GOLM2: variants seen among roughly 807,000 people sequenced by gnomAD.
GOLM2 encodes protein GOLM2.
In GOLM2, 26 loss-of-function variants were observed where a neutral mutation model predicts 55.9. That is an observed-to-expected ratio of 0.47 (90% confidence interval 0.34 to 0.65). The LOEUF (loss-of-function observed/expected upper bound fraction) is 0.65. Among genes scored for constraint, GOLM2 ranks in the 30% least tolerant of loss-of-function variants. The probability of loss-of-function intolerance (pLI) is 0.01; values close to 1 mark genes in which losing one functional copy is unlikely to be tolerated. For missense variants in GOLM2, 486 were observed against 531.8 expected (o/e 0.91, Z 0.85); for synonymous variants, 165 against 194.6 (o/e 0.85, Z 1.27).
chr15:44,391,870 G>T (rs2079492430), intron 8 of GOLM2, among the ~76,000 whole-genome samples: 1 of 152,016 alleles, frequency 6.6e-6, no homozygotes. Context: ...TTATTTTTGA[G>T]ATGGAGTTTT....
At chr15:44,407,771 C>CTT (rs1237254216) in intron 9 of GOLM2, among the ~76,000 whole-genome samples, 48 of 135,826 alleles carry the variant, frequency 3.5e-4, no homozygotes, top group African/African-American at 1.2e-3. Flanking sequence ...TTTCTTTTAT[C>CTT]TTTTTTTTTT....
chr15:44,376,334 T>C (rs903177025), intron 6 of GOLM2, among the ~76,000 whole-genome samples: 1 of 152,188 alleles, frequency 6.6e-6, no homozygotes, highest in Non-Finnish European at 1.5e-5. Flanking sequence ...AGTGCAGTGG[T>C]GGCTCACTGC....
chr15:44,384,230 T>C (rs2079425374), intron 8 of GOLM2, among the ~76,000 whole-genome samples: 1 of 151,636 alleles, frequency 6.6e-6, no homozygotes, highest in Non-Finnish European at 1.5e-5. Context: ...AACAAAACTC[T>C]GTACTCTCCT....
intron 1 of GOLM2, among the ~76,000 whole-genome samples, chr15:44,303,915 A>G (rs2078817297): frequency 6.6e-6 from 1 of 151,054 alleles, no homozygotes; most frequent in Non-Finnish European, 1.5e-5. Flanking sequence ...TTTGTATTTC[A>G]GTAGAGACAG....
Position 44,409,744 on chromosome 15 carries a change from TA to T in GOLM2, c.1241-3578del, listed in dbSNP as rs773616920. ...CAACATGGTAAAACCCCGTCTCTACTAAAAAAAAAAAAAATACAAAAATTAT... is the reference window on the plus strand; with the variant it reads ...CAACATGGTAAAACCCCGTCTCTACTAAAAAAAAAAAAATACAAAAATTAT... On this transcript the variant is annotated intron_variant, in intron 9 of 9. Coordinates refer to ENST00000299957, the MANE Select transcript of GOLM2 (RefSeq NM_138423.4). 7.6e-3 allele frequency: 987 copies of T among 130,328 alleles called. 3 individuals carry two copies. Among genetic ancestry groups the T allele is most frequent in the Middle Eastern group, 0.012 (3 of 244 alleles). 8.1% of individuals were successfully genotyped at this position (130,328 alleles called of 1,614,324 possible).
intron 1 of GOLM2, among the ~76,000 whole-genome samples, chr15:44,322,252 C>A (rs772399976): frequency 6.6e-6 from 1 of 152,112 alleles, no homozygotes; most frequent in Admixed American, 6.6e-5. Flanking sequence ...CCTGCAGTCC[C>A]AGCTACTTGG....
intron 6 of GOLM2, among the ~76,000 whole-genome samples, chr15:44,359,118 C>G (rs2079218041): frequency 1.3e-5 from 2 of 151,230 alleles, no homozygotes; most frequent in African/African-American, 4.9e-5. Context: ...CCAATGCACT[C>G]CAGCCTGGGT....
At chr15:44,398,141 C>T (rs964353031) in intron 8 of GOLM2, among the ~76,000 whole-genome samples, 1 of 152,208 alleles carries the variant, frequency 6.6e-6, no homozygotes, top group Non-Finnish European at 1.5e-5. Context: ...TTCAAACTCA[C>T]TCTATCAAAA....
At chr15:44,325,104 C>T (rs938431247) in intron 2 of GOLM2, among the ~76,000 whole-genome samples, 11 of 152,252 alleles carry the variant, frequency 7.2e-5, no homozygotes, top group African/African-American at 2.4e-4. Context: ...CATGGGGCTT[C>T]ATTATACAGA....
intron 4 of GOLM2, 41 bp from the exon 5 acceptor site, chr15:44,337,722 A>G (rs2079066352): frequency 3.4e-6 from 5 of 1,471,244 alleles, no homozygotes; most frequent in Non-Finnish European, 4.6e-6. Flanking sequence ...TGGTTTAACA[A>G]TTTGAACTGA....
chr15:44,393,474 T>A (rs1304300562), intron 8 of GOLM2, among the ~76,000 whole-genome samples: 1 of 151,900 alleles, frequency 6.6e-6, no homozygotes, highest in Non-Finnish European at 1.5e-5. Flanking sequence ...AGTTTGGGGG[T>A]TTTGGGTGGA....
chr15:44,376,925 A>C (rs559542622), intron 6 of GOLM2, among the ~76,000 whole-genome samples: 5 of 152,334 alleles, frequency 3.3e-5, no homozygotes, highest in African/African-American at 1.2e-4. Context: ...GGTTTTCTAA[A>C]AGGAATTTTT....
At chr15:44,371,900 A>G (rs1233628001) in intron 6 of GOLM2, among the ~76,000 whole-genome samples, 1 of 152,184 alleles carries the variant, frequency 6.6e-6, no homozygotes, top group Non-Finnish European at 1.5e-5. Flanking sequence ...TGACAACTCT[A>G]AATACTCCAG....
Position 44,289,294 on chromosome 15 carries a change from G to A in GOLM2, c.265G>A (p.Gly89Ser). Residue 89 changes from glycine to serine, a missense_variant, in exon 1 of 10, where the codon GGC becomes AGC. Transcript: ENST00000299957. The surrounding 1 kb of genome is among the most constrained non-coding windows in gnomAD (Gnocchi z 4.8). ...KQIDQKEADY[G>S]RLSSRLQARE... ...GATCGACCAGAAGGAGGCCGACTAC[G>A]GCCGCCTCAGCAGCCGGCTGCAGGC... 1 of 1,613,148 alleles carries A rather than the reference G, an allele frequency of 6.2e-7. No individual in the cohort carries two copies. Among genetic ancestry groups the A allele is most frequent in the South Asian group, 1.1e-5 (1 of 91,038 alleles).
At chr15:44,413,315 A>G (rs1440116752) in intron 9 of GOLM2, 21 bp from the exon 10 acceptor site, 2 of 1,572,258 alleles carry the variant, frequency 1.3e-6, no homozygotes, top group South Asian at 2.3e-5. Context: ...ATATGTTGAT[A>G]CAAAATTATT....
intron 1 of GOLM2, chr15:44,308,028 T>G (rs2078850196): frequency 6.6e-6 from 1 of 152,238 alleles, no homozygotes; most frequent in African/African-American, 2.4e-5. Flanking sequence ...TAATGATGAT[T>G]ATTGTTATTA....
At chr15:44,328,275 T>C (rs1404024026) in intron 2 of GOLM2, among the ~76,000 whole-genome samples, 5 of 152,194 alleles carry the variant, frequency 3.3e-5, no homozygotes, top group African/African-American at 1.2e-4. Context: ...AGCCCACAAG[T>C]TTGAGACCAG....
intron 1 of GOLM2, among the ~76,000 whole-genome samples, chr15:44,296,506 C>T (rs1276967867): frequency 6.6e-6 from 1 of 151,830 alleles, no homozygotes. Flanking sequence ...GGATGAGAAG[C>T]GTATTACAAA....
chr15:44,326,542 A>T (rs1036845850), intron 2 of GOLM2, among the ~76,000 whole-genome samples: 5 of 151,874 alleles, frequency 3.3e-5, no homozygotes, highest in Admixed American at 1.3e-4. Context: ...ACATTCACTG[A>T]TAGCACTTTG....
Sources: gnomAD v4.1 joint callset for allele counts (sites outside exome capture counted in the v4.1 genomes callset) on GRCh38, gnomAD v4.1.1 for gene constraint, Gnocchi (gnomAD v3.1) non-coding constraint, MANE v1.5 for transcripts, NCBI Gene and HGNC (gene_info 2026-07-23, HGNC 2026-07-21) for gene names.